UPF2: variants seen among roughly 807,000 people sequenced by gnomAD.
The protein encoded by UPF2 is UPF2 regulator of nonsense mediated mRNA decay, also known as regulator of nonsense transcripts 2.
In UPF2, 17 loss-of-function variants were observed where a neutral mutation model predicts 141.4. The ratio of observed to expected loss-of-function variants is 0.12; its 90% CI spans 0.08 to 0.18. The LOEUF (loss-of-function observed/expected upper bound fraction) is 0.18. Among genes scored for constraint, UPF2 ranks in the 10% least tolerant of loss-of-function variants. The pLI, the probability that UPF2 is intolerant of heterozygous loss-of-function variation, is 1.00. For missense variants in UPF2, 1,152 were observed against 1,515.9 expected, an observed-to-expected ratio of 0.76 and a Z score of 3.99; for synonymous variants, 540 against 498.0, an observed-to-expected ratio of 1.08 and a Z score of -1.12.
intron 9 of UPF2, among the ~76,000 whole-genome samples, chr10:11,976,844 G>A (rs1402032980): frequency 6.6e-6 from 1 of 152,194 alleles, no homozygotes; most frequent in Non-Finnish European, 1.5e-5. Flanking sequence ...ATGTACAGAT[G>A]CTATGTGAGG....
At chr10:12,024,526 C>T (rs1834375052) in intron 3 of UPF2, among the ~76,000 whole-genome samples, 1 of 152,026 alleles carries the variant, frequency 6.6e-6, no homozygotes, top group East Asian at 1.9e-4. Flanking sequence ...AGGAGAATTG[C>T]TTGAACCCAG....
Position 11,920,609 on chromosome 10 carries a change from A to G in UPF2, c.*689T>C, listed in dbSNP as rs1366285235. ...ATTAATGCTCTCTGTATAGTAAAATAGTCTCCACATTTTTCTTTTACCTTA... is the reference window on the plus strand; with the variant it reads ...ATTAATGCTCTCTGTATAGTAAAATGGTCTCCACATTTTTCTTTTACCTTA... On this transcript the variant is annotated 3_prime_UTR_variant, in exon 22 of 22. Transcript: ENST00000357604. 3 of 194,778 alleles carry G rather than the reference A, an allele frequency of 1.5e-5. No homozygotes were observed. The highest frequency in any genetic ancestry group is 3.2e-5 in the Non-Finnish European group (3 of 93,198). 12.1% of individuals were successfully genotyped at this position (194,778 alleles called of 1,614,324 possible). A position where few individuals can be genotyped will look rare whatever the true frequency, so the allele number is the denominator to read the frequency against.
At chr10:12,003,130 A>T (rs1449603257) in intron 5 of UPF2, among the ~76,000 whole-genome samples, 1 of 152,160 alleles carries the variant, frequency 6.6e-6, no homozygotes, top group Admixed American at 6.6e-5. Flanking sequence ...AATTCCTACT[A>T]TGTGCTAGGT....
chr10:11,928,752 G>A, intron 21 of UPF2: 1 of 323,290 alleles, frequency 3.1e-6, no homozygotes, highest in South Asian at 2.5e-5. Context: ...TCTTATTAGG[G>A]AACATCTTCA....
In UPF2 at chr10:11,951,120, T is replaced by TG. The variant is rs1213616274; in HGVS notation, c.3034+945dup. Reference sequence around the variant, plus strand: ...TCTTGTTACCCAGGCTGTAGTGCAATGGCGTGATCTTGGCTCACTCCAACC... The same window carrying TG: ...TCTTGTTACCCAGGCTGTAGTGCAATGGGCGTGATCTTGGCTCACTCCAACC... On this transcript the variant is annotated intron_variant, in intron 15 of 21. Coordinates refer to ENST00000357604, the MANE Select transcript of UPF2 (RefSeq NM_015542.4). Among the ~76,000 whole-genome samples, 13 of 152,174 alleles carry TG rather than the reference T, an allele frequency of 8.5e-5. No individual in the cohort carries two copies. The East Asian group carries it at 2.1e-3, about 25-fold the overall frequency.
chr10:12,033,312 G>T (rs1489690099), intron 2 of UPF2, among the ~76,000 whole-genome samples: 1 of 152,096 alleles, frequency 6.6e-6, no homozygotes, highest in African/African-American at 2.4e-5. Flanking sequence ...GAGGCAGGAG[G>T]ACTTCTTGAG....
intron 11 of UPF2, among the ~76,000 whole-genome samples, chr10:11,962,069 T>C (rs1193939369): frequency 6.6e-6 from 1 of 152,186 alleles, no homozygotes; most frequent in Admixed American, 6.5e-5. Flanking sequence ...CTATAAGTTC[T>C]TTGGACAAAA....
chr10:12,023,599 G>A (rs1834356364), intron 3 of UPF2, among the ~76,000 whole-genome samples: 1 of 151,548 alleles, frequency 6.6e-6, no homozygotes, highest in African/African-American at 2.4e-5. Context: ...CTGAGGCAAG[G>A]GAATCGGTTG....
chr10:12,042,813 C>T (rs1834763421), upstream of UPF2: 1 of 152,094 alleles, frequency 6.6e-6, no homozygotes, highest in South Asian at 2.1e-4. The surrounding 1 kb of genome is among the most constrained non-coding windows in gnomAD (Gnocchi z 5.5). Flanking sequence ...AGCGCTCGGG[C>T]TCTCCCCTCC....
At chr10:11,961,077 G>T (rs1833233467) in intron 11 of UPF2, among the ~76,000 whole-genome samples, 1 of 146,196 alleles carries the variant, frequency 6.8e-6, no homozygotes, top group African/African-American at 2.5e-5. Context: ...GCAACAGCGG[G>T]AGACCCTGTC....
At position 12,004,550 on chromosome 10, in the gene UPF2, G is replaced by A. The variant is rs1257992646; in HGVS notation, c.1484C>T (p.Ser495Phe). 6.2e-7 allele frequency: 1 copy of A among 1,610,210 alleles called. No homozygotes were observed. Among genetic ancestry groups the A allele is most frequent in the Non-Finnish European group, 8.5e-7 (1 of 1,178,316 alleles). The change falls in exon 5 of 22, where the codon TCC (serine) becomes TTC (phenylalanine). Residue 495 changes from serine to phenylalanine, a missense_variant. Physicochemically the swap from Ser to Phe is radical, Grantham distance 155. This residue lies in a region of UPF2 where 739 missense variants were observed against 1,032.2 expected (regional missense o/e 0.72). Transcript: ENST00000357604. ...DNEKSCQNKESNKDDTKEAKE... is the reference protein window; with the variant it reads ...DNEKSCQNKEFNKDDTKEAKE... The stretch of plus-strand genomic sequence containing the variant: ...TTTACCTTTGGTATCATCTTTGTTG[G>A]ACTCTTTATTCTGACAACTTTTTTC...
intron 1 of UPF2, among the ~76,000 whole-genome samples, chr10:12,038,509 A>G (rs1411966578): frequency 6.6e-6 from 1 of 151,916 alleles, no homozygotes; most frequent in Non-Finnish European, 1.5e-5. Flanking sequence ...CAGGCAGATC[A>G]CTTGAGGTCA....
At chr10:11,942,110 C>G (rs1017291739) in intron 18 of UPF2, among the ~76,000 whole-genome samples, 1 of 152,144 alleles carries the variant, frequency 6.6e-6, no homozygotes, top group African/African-American at 2.4e-5. Flanking sequence ...CATGGTGGCT[C>G]ACGCTGTAAT....
At chr10:11,932,073 C>T (rs1367858955) in intron 19 of UPF2, among the ~76,000 whole-genome samples, 1 of 151,928 alleles carries the variant, frequency 6.6e-6, no homozygotes, top group Non-Finnish European at 1.5e-5. Context: ...TGCTTGAACC[C>T]AGGAAGCGGA....
At chr10:11,969,318 C>A (rs544166834) in intron 9 of UPF2, among the ~76,000 whole-genome samples, 1 of 148,564 alleles carries the variant, frequency 6.7e-6, no homozygotes, top group African/African-American at 2.5e-5. Context: ...TACAGGCGCC[C>A]GCCACCATGC....
chr10:11,959,748 CCTGT>C lies in UPF2; in HGVS notation c.2185-396_2185-393del, dbSNP rs1833210880. On this transcript the variant is annotated intron_variant, in intron 11 of 21. Coordinates refer to ENST00000357604, the MANE Select transcript of UPF2 (RefSeq NM_015542.4). The surrounding 1 kb of genome is among the most constrained non-coding windows in gnomAD (Gnocchi z 5.9). ...ACTCCAGCCTGGGCAACAGCAAGAC[CCTGT>C]CTCTTAAAAAAAACAAAACAAAAAC... Among the ~76,000 whole-genome samples the C allele has an allele frequency of 6.6e-6, 1 of 151,818 alleles. No individual in the cohort carries two copies. The highest frequency in any genetic ancestry group is 2.4e-5 in the African/African-American group (1 of 41,312).
At chr10:11,951,412 A>T (rs1409999993) in intron 15 of UPF2, among the ~76,000 whole-genome samples, 1 of 152,218 alleles carries the variant, frequency 6.6e-6, no homozygotes, top group Non-Finnish European at 1.5e-5. Flanking sequence ...AAGAACTATC[A>T]GCATATAAAC....
intron 2 of UPF2, among the ~76,000 whole-genome samples, chr10:12,030,543 AAATAATAAT>A (rs141050401): frequency 2.0e-5 from 3 of 148,920 alleles, no homozygotes; most frequent in South Asian, 2.1e-4. Flanking sequence ...CTGCCTCAAA[AAATAATAAT>A]AATAATAATA....
At chr10:11,924,610 T>C (rs1193640935) in intron 21 of UPF2, among the ~76,000 whole-genome samples, 1 of 152,146 alleles carries the variant, frequency 6.6e-6, no homozygotes, top group African/African-American at 2.4e-5. Flanking sequence ...AACTACTTTT[T>C]TTTTTGAGAC....
Sources: allele counts gnomAD v4.1 joint callset (sites outside exome capture counted in the v4.1 genomes callset), GRCh38; gene constraint gnomAD v4.1.1; regional missense constraint gnomAD v4.1.1; non-coding constraint Gnocchi (gnomAD v3.1); transcripts MANE v1.5; gene names NCBI Gene and HGNC (gene_info 2026-07-23, HGNC 2026-07-21).